The following MAGI1 variants were observed in gnomAD, a reference collection of about 807,000 sequenced individuals.
The protein encoded by MAGI1 is membrane-associated guanylate kinase, WW and PDZ domain-containing protein 1.
MAGI1 carries 58 observed loss-of-function variants against 139.9 expected under a neutral mutation model. That is an observed-to-expected ratio of 0.41 (90% CI 0.34 to 0.52). The LOEUF (loss-of-function observed/expected upper bound fraction) is 0.52, where lower values mean the gene tolerates loss of function less well. Among genes scored for constraint, MAGI1 ranks in the 20% least tolerant of loss-of-function variants. MAGI1 has a pLI of 0.12. For synonymous variants in MAGI1, 812 were observed against 737.9 expected (o/e 1.10, Z -1.63); for missense variants, 1,874 against 1,901.6 (o/e 0.99, Z 0.27).
Position 65,356,856 on chromosome 3 carries a change from C to T in MAGI1, c.3911G>A (p.Arg1304Gln), listed in dbSNP as rs1320193593. ...CGCGCGCTCGGCCTGCGCGTCCCTC[C>T]GTCCCTCCGGCGCCCGGTCCTTGGG... Reference protein sequence around the residue: ...CRPKDRAPEGRRDAQAERAAA... With the variant: ...CRPKDRAPEGQRDAQAERAAA... The change falls in exon 23 of 23, where the codon CGG becomes CAG. Residue 1304 changes from arginine (R) to glutamine (Q), a missense_variant. Arg to Gln is a conservative substitution (Grantham distance 43, BLOSUM62 1). Around this residue, in one of 5 missense-constraint regions of MAGI1, gnomAD observed 653 missense variants for 644.5 expected, o/e 1.01. Coordinates refer to ENST00000402939, the MANE Select transcript of MAGI1 (RefSeq NM_001033057.2). The T allele has an allele frequency of 6.2e-7, 1 of 1,614,018 alleles. No homozygotes were observed. The highest frequency in any genetic ancestry group is 8.5e-7 in the Non-Finnish European group (1 of 1,179,896).
chr3:65,601,537 A>C (rs959668310), intron 2 of MAGI1, among the ~76,000 whole-genome samples: 1 of 152,200 alleles, frequency 6.6e-6, no homozygotes, highest in Non-Finnish European at 1.5e-5. Flanking sequence ...TAAAAAACAA[A>C]AGTAGAAAAT....
Position 65,609,572 on chromosome 3 carries a change from T to A in MAGI1, c.430+12400A>T, listed in dbSNP as rs567768018. On this transcript the variant is annotated intron_variant, in intron 2 of 22. Transcript: ENST00000402939. ...AGGATTACAGGTACGAGCCACCGGGTTTTTTTTGTTTTTTGTTTTTGTTTT... is the reference window on the plus strand; with the variant it reads ...AGGATTACAGGTACGAGCCACCGGGATTTTTTTGTTTTTTGTTTTTGTTTT... Among the ~76,000 whole-genome samples, 471 of 151,012 alleles carry A rather than the reference T, an allele frequency of 3.1e-3. 1 individual carries two copies. The highest frequency in any genetic ancestry group is 0.011 in the African/African-American group (450 of 40,944).
At chr3:65,529,757 C>T (rs1308613588) in intron 2 of MAGI1, among the ~76,000 whole-genome samples, 1 of 152,188 alleles carries the variant, frequency 6.6e-6, no homozygotes, top group Non-Finnish European at 1.5e-5. Context: ...TATGTATACA[C>T]ACACATAGAT....
At chr3:65,995,376 T>C (rs185717338) in intron 1 of MAGI1, among the ~76,000 whole-genome samples, 67 of 152,298 alleles carry the variant, frequency 4.4e-4, no homozygotes, top group Admixed American at 1.3e-3. Flanking sequence ...ACCGTCCCAA[T>C]GCAGGAGAGC....
chr3:66,014,579 C>A (rs770012635), intron 1 of MAGI1, among the ~76,000 whole-genome samples: 21 of 152,154 alleles, frequency 1.4e-4, no homozygotes, highest in Non-Finnish European at 2.8e-4. Context: ...GAGAACACAG[C>A]CCCACATATA....
rs143485604 is a variant in MAGI1 at position 65,819,946 on chromosome 3, C to G, written c.314-197858G>C. The stretch of plus-strand genomic sequence containing the variant: ...CTTAGGTCAACAGAAACTATCAATT[C>G]AGAAATTGCTAAGCAGAATTATGTA... On this transcript the variant is annotated intron_variant, in intron 1 of 22. Coordinates refer to ENST00000402939, the MANE Select transcript of MAGI1 (RefSeq NM_001033057.2). 2.2e-3 allele frequency among the ~76,000 whole-genome samples: 302 copies of G among 138,584 alleles called. 6 individuals carry two copies. The highest frequency in any genetic ancestry group is 7.4e-3 in the African/African-American group (287 of 38,780). The allele number at this position is 138,584 out of a possible 152,430, so 90.9% of individuals were successfully genotyped here. A position where few individuals can be genotyped will look rare whatever the true frequency, so the allele number is the denominator to read the frequency against.
chr3:65,525,529 A>G (rs1333871129), intron 2 of MAGI1, among the ~76,000 whole-genome samples: 1 of 152,214 alleles, frequency 6.6e-6, no homozygotes, highest in African/African-American at 2.4e-5. Flanking sequence ...TGGAATGTTG[A>G]GTTTTTAAGT....
At position 65,617,439 on chromosome 3, in the gene MAGI1, G is replaced by T. The variant is rs1435791801; in HGVS notation, c.430+4533C>A. Among the ~76,000 whole-genome samples the T allele has an allele frequency of 3.9e-5, 6 of 152,134 alleles. No individual in the cohort carries two copies. In the South Asian group the frequency reaches 1.0e-3, roughly 26 times the overall value. ...TCAGGTAATGCATTTATCTTCATGG[G>T]AAAAGCGGCCATTCCAAAGCAAGAA... On this transcript the variant is annotated intron_variant, in intron 2 of 22. Coordinates refer to ENST00000402939, the MANE Select transcript of MAGI1 (RefSeq NM_001033057.2).
intron 2 of MAGI1, among the ~76,000 whole-genome samples, chr3:65,537,312 C>G (rs1233240483): frequency 1.3e-5 from 2 of 152,170 alleles, no homozygotes; most frequent in African/African-American, 2.4e-5. Context: ...GCCCGTTTTT[C>G]TGTGGAAGCC....
At chr3:65,757,383 G>A (rs958415361) in intron 1 of MAGI1, among the ~76,000 whole-genome samples, 2 of 152,104 alleles carry the variant, frequency 1.3e-5, no homozygotes, top group South Asian at 2.1e-4. Context: ...GGTGGCTCAC[G>A]CCTGTAATCC....
intron 1 of MAGI1, among the ~76,000 whole-genome samples, chr3:65,660,029 G>C (rs2086106748): frequency 6.6e-6 from 1 of 152,060 alleles, no homozygotes; most frequent in Non-Finnish European, 1.5e-5. Flanking sequence ...AATCTACCTG[G>C]TATTTACAAA....
intron 2 of MAGI1, among the ~76,000 whole-genome samples, chr3:65,508,489 A>T (rs1201041458): frequency 6.6e-6 from 1 of 152,186 alleles, no homozygotes; most frequent in Admixed American, 6.5e-5. Context: ...TATAAAGACA[A>T]TAGTCTTTAA....
chr3:65,632,273 G>A (rs2084359996), intron 1 of MAGI1, among the ~76,000 whole-genome samples: 1 of 152,128 alleles, frequency 6.6e-6, no homozygotes, highest in African/African-American at 2.4e-5. Flanking sequence ...GTCAAAATGA[G>A]ACTAATTTTT....
intron 17 of MAGI1, among the ~76,000 whole-genome samples, chr3:65,377,156 T>C (rs934024132): frequency 2.0e-5 from 3 of 152,160 alleles, no homozygotes; most frequent in Admixed American, 2.0e-4. Context: ...TGTGGGAAAA[T>C]GCACTTTAAT....
Position 65,578,134 on chromosome 3 carries a change from G to A in MAGI1, c.430+43838C>T, listed in dbSNP as rs144846582. On this transcript the variant is annotated intron_variant, in intron 2 of 22. Transcript: ENST00000402939. ...AAATCACTAGTGATTTCCTCCAGCC[G>A]CCAAGACAAAGGCGACTCTGGCAAC... 2.2e-3 allele frequency among the ~76,000 whole-genome samples: 342 copies of A among 152,210 alleles called. 5 individuals are homozygous for A. The highest frequency in any genetic ancestry group is 0.021 in the Middle Eastern group (6 of 292).
intron 1 of MAGI1, among the ~76,000 whole-genome samples, chr3:65,843,724 T>C (rs1176212166): frequency 6.6e-6 from 1 of 152,194 alleles, no homozygotes; most frequent in African/African-American, 2.4e-5. Context: ...ATGGACTGTT[T>C]TGTTTTGTTT....
chr3:65,876,766 C>CA (rs2060132870), intron 1 of MAGI1, among the ~76,000 whole-genome samples: 1 of 137,034 alleles, frequency 7.3e-6, no homozygotes, highest in Non-Finnish European at 1.5e-5. Flanking sequence ...TTTTTTGAGA[C>CA]AGAGTCTTGC....
At chr3:65,640,305 A>C (rs1176959992) in intron 1 of MAGI1, among the ~76,000 whole-genome samples, 3 of 152,176 alleles carry the variant, frequency 2.0e-5, no homozygotes, top group Non-Finnish European at 4.4e-5. Flanking sequence ...CATAGCATGA[A>C]GCATTCTACT....
At chr3:65,359,617 G>T in intron 22 of MAGI1, 5 of 992,402 alleles carry the variant, frequency 5.0e-6, no homozygotes, top group African/African-American at 1.8e-5. Flanking sequence ...GAAAAATATT[G>T]GAACTTAACA....
Sources: gnomAD v4.1 joint callset for allele counts (sites outside exome capture counted in the v4.1 genomes callset) on GRCh38, gnomAD v4.1.1 for gene constraint, gnomAD v4.1.1 regional missense constraint, MANE v1.5 for transcripts, NCBI Gene and HGNC (gene_info 2026-07-23, HGNC 2026-07-21) for gene names.